The following SNX3 variants were observed in gnomAD, a reference collection of about 807,000 sequenced individuals.
SNX3 encodes the protein sorting nexin-3.
A neutral mutation model predicts 17.7 loss-of-function variants in SNX3; 5 were observed. The observed-to-expected ratio is 0.28, with a 90% CI of 0.15 to 0.59. SNX3 has a LOEUF of 0.59. SNX3 is among the 20% of genes least tolerant of loss of function. The pLI, the probability that SNX3 is intolerant of heterozygous loss-of-function variation, is 0.88. For missense variants in SNX3, 132 were observed against 206.8 expected, an observed-to-expected ratio of 0.64 and a Z score of 2.22; for synonymous variants, 91 against 76.5, an observed-to-expected ratio of 1.19 and a Z score of -0.99.
intron 1 of SNX3, 53 bp downstream of exon 1, chr6:108,260,707 G>A: frequency 6.2e-7 from 1 of 1,605,778 alleles, no homozygotes; most frequent in Non-Finnish European, 8.5e-7. Flanking sequence ...TCGAGTGGGG[G>A]TGACCAGAGC....
chr6:108,258,708 C>T (rs531068346), intron 1 of SNX3, among the ~76,000 whole-genome samples: 37 of 152,044 alleles, frequency 2.4e-4, no homozygotes, highest in Non-Finnish European at 3.5e-4. Context: ...GGGGTTTCAA[C>T]GTGTTGCCCA....
Position 108,259,484 on chromosome 6 carries a change from G to A in SNX3, c.162+1276C>T, listed in dbSNP as rs554813990. 7.4e-4 allele frequency among the ~76,000 whole-genome samples: 112 copies of A among 151,964 alleles called. 1 individual carries two copies. Among genetic ancestry groups the A allele is most frequent in the African/African-American group, 2.6e-3 (108 of 41,442 alleles). On this transcript the variant is annotated intron_variant, in intron 1 of 3. Coordinates refer to ENST00000230085, the MANE Select transcript of SNX3 (RefSeq NM_003795.6). ...CTGACCTCGGTGATCCGCCCAGCTCGGCCTCCCAAAGTGCTGGGATTACAG... is the reference window on the plus strand; with the variant it reads ...CTGACCTCGGTGATCCGCCCAGCTCAGCCTCCCAAAGTGCTGGGATTACAG...
chr6:108,232,871 T>C (rs1227129671), intron 1 of SNX3, among the ~76,000 whole-genome samples: 1 of 152,252 alleles, frequency 6.6e-6, no homozygotes, highest in Non-Finnish European at 1.5e-5. Context: ...CATGAATAAC[T>C]GGAGATATGG....
Position 108,212,160 on chromosome 6 carries a change from T to A in SNX3, c.478A>T (p.Arg160Ter). ...IDKSYTPSKI[R>*]HA The stretch of plus-strand genomic sequence containing the variant: ...CTTCTTGCCAAATTTCAGGCATGTC[T>A]TATTTTAGATGGAGTATAGCTTTTA... Residue 160 changes from arginine (R) to a stop codon, truncating the protein, a stop_gained, in exon 4 of 4, where the codon AGA (arginine) becomes TGA (stop). Transcript: ENST00000230085. LOFTEE classifies it high-confidence loss of function. 6.3e-7 allele frequency: 1 copy of A among 1,591,374 alleles called. No homozygotes were observed. Among genetic ancestry groups the A allele is most frequent in the East Asian group, 2.2e-5 (1 of 44,734 alleles).
intron 1 of SNX3, among the ~76,000 whole-genome samples, chr6:108,241,745 G>A (rs1448700650): frequency 6.6e-6 from 1 of 152,164 alleles, no homozygotes; most frequent in Non-Finnish European, 1.5e-5. Context: ...CTAACTCAGA[G>A]TCTCTACAAC....
chr6:108,247,808 C>G (rs1370235680), intron 1 of SNX3, among the ~76,000 whole-genome samples: 1 of 151,854 alleles, frequency 6.6e-6, no homozygotes, highest in African/African-American at 2.4e-5. Context: ...ATGCTTAAAA[C>G]AAATTATAGC....
chr6:108,220,882 G>A (rs989571159), intron 2 of SNX3, among the ~76,000 whole-genome samples: 2 of 151,976 alleles, frequency 1.3e-5, no homozygotes, highest in African/African-American at 2.4e-5. Context: ...TCGGGAGGCT[G>A]AGGCAGGAGA....
At chr6:108,254,933 A>G (rs1360108004) in intron 1 of SNX3, among the ~76,000 whole-genome samples, 1 of 152,226 alleles carries the variant, frequency 6.6e-6, no homozygotes, top group Non-Finnish European at 1.5e-5. Flanking sequence ...TCAGGACTGG[A>G]GTTAAAATGA....
At position 108,224,322 on chromosome 6, in the gene SNX3, C is replaced by T. The variant is rs551466790; in HGVS notation, c.163-1277G>A. On this transcript the variant is annotated intron_variant, in intron 1 of 3. Transcript: ENST00000230085. ...TTGAGGCAGAATCTCGCTCTGTCGC[C>T]CAGGCTGTAGTGCAGTGGCGTGATC... 1.4e-4 allele frequency among the ~76,000 whole-genome samples: 22 copies of T among 152,266 alleles called. No individual in the cohort carries two copies. In the South Asian group the frequency reaches 4.1e-3, roughly 29 times the overall value.
At position 108,256,390 on chromosome 6, in the gene SNX3, C is replaced by T. The variant is rs187707390; in HGVS notation, c.162+4370G>A. Among the ~76,000 whole-genome samples the T allele has an allele frequency of 1.4e-3, 218 of 152,290 alleles. 2 individuals are homozygous for T. The South Asian group carries it at 0.025, about 17-fold the overall frequency. On this transcript the variant is annotated intron_variant, in intron 1 of 3. Transcript: ENST00000230085. ...AGTAACTCAACTAAACATTAACACA[C>T]AGAAAATGTAGTTGATCACTGACGT... is the stretch of plus-strand genomic sequence containing the variant.
intron 2 of SNX3, among the ~76,000 whole-genome samples, chr6:108,221,754 A>G (rs906568194): frequency 6.6e-6 from 1 of 151,780 alleles, no homozygotes; most frequent in African/African-American, 2.4e-5. Context: ...CATGTTGCCC[A>G]CGCTGGTCTC....
intron 1 of SNX3, among the ~76,000 whole-genome samples, chr6:108,231,538 A>C (rs1005597969): frequency 6.6e-6 from 1 of 152,202 alleles, no homozygotes; most frequent in Admixed American, 6.5e-5. Flanking sequence ...TGTTGGCAGT[A>C]ATGTTCCTAA....
At chr6:108,228,684 AG>A (rs1775046098) in intron 1 of SNX3, among the ~76,000 whole-genome samples, 1 of 152,130 alleles carries the variant, frequency 6.6e-6, no homozygotes, top group Non-Finnish European at 1.5e-5. Flanking sequence ...TGGGTGACAG[AG>A]GGAGACGGTC....
chr6:108,234,238 C>CATATATAT (rs10655859), intron 1 of SNX3, among the ~76,000 whole-genome samples: 4,983 of 148,146 alleles, frequency 0.034, 198 homozygotes, highest in African/African-American at 0.11. Context: ...ATATAAAAAA[C>CATATATAT]ATATATATAT....
chr6:108,223,129 G>T, intron 1 of SNX3, 84 bp from the exon 2 acceptor site: 2 of 694,892 alleles, frequency 2.9e-6, no homozygotes, highest in South Asian at 1.7e-5. Context: ...CAAAACAAAA[G>T]AAATCATGAC....
At chr6:108,240,897 CTTTGGGAGGCTGAGGCGGGTGGA>C in intron 1 of SNX3, among the ~76,000 whole-genome samples, 1 of 152,104 alleles carries the variant, frequency 6.6e-6, no homozygotes, top group South Asian at 2.1e-4. Context: ...AATCCTAGCA[CTTTGGGAGGCTGAGGCGGGTGGA>C]TCACGAGGTC....
intron 1 of SNX3, among the ~76,000 whole-genome samples, chr6:108,229,744 GAGA>G (rs1432080108): frequency 6.6e-6 from 1 of 152,186 alleles, no homozygotes; most frequent in African/African-American, 2.4e-5. Flanking sequence ...GCTAAATGCA[GAGA>G]AGAAACAAGT....
chr6:108,257,729 G>A (rs760172964), intron 1 of SNX3, among the ~76,000 whole-genome samples: 3 of 152,164 alleles, frequency 2.0e-5, no homozygotes, highest in Non-Finnish European at 4.4e-5. Context: ...ACTTTGGGAG[G>A]CCAAGGTAGG....
chr6:108,251,998 GAGGCTGCAGT>G (rs1358679852), intron 1 of SNX3, among the ~76,000 whole-genome samples: 1 of 151,606 alleles, frequency 6.6e-6, no homozygotes, highest in Non-Finnish European at 1.5e-5. Context: ...CAGGGAGGCA[GAGGCTGCAGT>G]AAGCTGAGAC....
Sources: allele counts gnomAD v4.1 joint callset (sites outside exome capture counted in the v4.1 genomes callset), GRCh38; gene constraint gnomAD v4.1.1; transcripts MANE v1.5; gene names NCBI Gene and HGNC (gene_info 2026-07-23, HGNC 2026-07-21).